The following FAF1 variants were observed in gnomAD, a reference collection of about 807,000 sequenced individuals.
FAF1 encodes FAS-associated factor 1.
In FAF1, 25 loss-of-function variants were observed where a neutral mutation model predicts 92.5. The ratio of observed to expected loss-of-function variants is 0.27; its 90% CI spans 0.20 to 0.38. The LOEUF (loss-of-function observed/expected upper bound fraction) is 0.38. Ranked by LOEUF, FAF1 falls within the 10% of genes least tolerant of loss-of-function variation. FAF1 has a pLI of 1.00. For synonymous variants in FAF1, 234 were observed against 273.2 expected (o/e 0.86, Z 1.42); for missense variants, 636 against 793.3 (o/e 0.80, Z 2.38).
chr1:50,905,975 T>C (rs969948214), intron 1 of FAF1, among the ~76,000 whole-genome samples: 15 of 152,220 alleles, frequency 9.9e-5, no homozygotes, highest in Admixed American at 7.9e-4. Context: ...CTGAATGGTA[T>C]TGCCTACGTT....
chr1:50,762,718 C>T (rs958291829), intron 4 of FAF1, among the ~76,000 whole-genome samples: 5 of 152,120 alleles, frequency 3.3e-5, no homozygotes, highest in African/African-American at 1.2e-4. Flanking sequence ...AAATGTTAGA[C>T]CTAAAACCAT....
chr1:50,895,120 T>A (rs559703085), intron 1 of FAF1, among the ~76,000 whole-genome samples: 2 of 150,760 alleles, frequency 1.3e-5, no homozygotes, highest in East Asian at 3.9e-4. Context: ...GAAAAAAAAA[T>A]TGACAAATCT....
chr1:50,846,531 T>C, intron 2 of FAF1: 1 of 500,484 alleles, frequency 2.0e-6, no homozygotes. Flanking sequence ...GCTGCTGCTT[T>C]GAAACATACG....
intron 1 of FAF1, among the ~76,000 whole-genome samples, chr1:50,904,356 G>T (rs1644818799): frequency 6.6e-6 from 1 of 152,150 alleles, no homozygotes; most frequent in Non-Finnish European, 1.5e-5. Flanking sequence ...CCAGAGCTGG[G>T]GAATGGGGAA....
intron 18 of FAF1, among the ~76,000 whole-genome samples, chr1:50,475,141 T>C (rs1227144820): frequency 6.6e-6 from 1 of 152,226 alleles, no homozygotes; most frequent in Non-Finnish European, 1.5e-5. Flanking sequence ...CTCAGGTATA[T>C]TCTGAGGGCT....
At chr1:50,955,014 G>C (rs1645254246) in intron 1 of FAF1, among the ~76,000 whole-genome samples, 1 of 152,166 alleles carries the variant, frequency 6.6e-6, no homozygotes, top group Admixed American at 6.5e-5. Context: ...CAAAAAGAAA[G>C]AGGTTAAGGA....
intron 13 of FAF1, among the ~76,000 whole-genome samples, chr1:50,544,626 A>C (rs1284015756): frequency 6.6e-6 from 1 of 152,206 alleles, no homozygotes; most frequent in Non-Finnish European, 1.5e-5. Context: ...ACCACTTTAA[A>C]AATATTAATT....
At chr1:50,796,664 T>C (rs1419516909) in intron 3 of FAF1, among the ~76,000 whole-genome samples, 3 of 152,044 alleles carry the variant, frequency 2.0e-5, no homozygotes, top group African/African-American at 7.2e-5. Context: ...GTCTGCTCTT[T>C]CCCTGGGCTC....
At chr1:50,540,317 A>G (rs1156615573) in intron 13 of FAF1, among the ~76,000 whole-genome samples, 1 of 152,138 alleles carries the variant, frequency 6.6e-6, no homozygotes, top group Non-Finnish European at 1.5e-5. Context: ...AAACTATGAG[A>G]AAAACAAACT....
intron 7 of FAF1, among the ~76,000 whole-genome samples, chr1:50,693,155 A>C (rs1414609949): frequency 6.6e-6 from 1 of 152,068 alleles, no homozygotes; most frequent in African/African-American, 2.4e-5. Flanking sequence ...AACCACGAAA[A>C]ATTTTTCCTG....
In FAF1 at chr1:50,729,882, G is replaced by A. The variant is rs551115876; in HGVS notation, c.551+8981C>T. The stretch of plus-strand genomic sequence containing the variant: ...CTAAAAATACAAAAATTAGCTGGGC[G>A]TGGTGGCACGTGCCTGTAGTCCCAG... On this transcript the variant is annotated intron_variant, in intron 6 of 18. Transcript: ENST00000396153. Among the ~76,000 whole-genome samples, 7 of 152,122 alleles carry A rather than the reference G, an allele frequency of 4.6e-5. No individual in the cohort carries two copies. In the South Asian group the frequency reaches 6.2e-4, roughly 14 times the overall value.
intron 17 of FAF1, among the ~76,000 whole-genome samples, chr1:50,476,993 G>A (rs1453090569): frequency 6.6e-6 from 1 of 152,150 alleles, no homozygotes; most frequent in African/African-American, 2.4e-5. Context: ...GACATCTGGT[G>A]TTTTCTGCAT....
Position 50,930,772 on chromosome 1 carries a change from C to T in FAF1, c.45+28995G>A, listed in dbSNP as rs146366388. ...GAGCCGAGATCGTGCCACTGCACTC[C>T]AGCCTGGGAGACAGCAAGACTCCGT... On this transcript the variant is annotated intron_variant, in intron 1 of 18. Transcript: ENST00000396153. 2.5e-3 allele frequency among the ~76,000 whole-genome samples: 375 copies of T among 152,190 alleles called. 3 individuals are homozygous for T. Among genetic ancestry groups the T allele is most frequent in the African/African-American group, 8.6e-3 (356 of 41,504 alleles).
chr1:50,567,280 G>T, intron 12 of FAF1, 49 bp from the exon 13 acceptor site: 1 of 1,447,730 alleles, frequency 6.9e-7, no homozygotes. Context: ...ACTAATGTAA[G>T]ATTTCTTAAA....
chr1:50,821,292 C>T (rs1477334525), intron 2 of FAF1, among the ~76,000 whole-genome samples: 3 of 152,310 alleles, frequency 2.0e-5, no homozygotes, highest in South Asian at 2.1e-4. Context: ...TTATATCAAA[C>T]TCCTGCTTCC....
intron 1 of FAF1, among the ~76,000 whole-genome samples, chr1:50,864,601 A>G (rs1186645749): frequency 2.6e-5 from 4 of 151,400 alleles, no homozygotes; most frequent in Admixed American, 2.6e-4. Context: ...AGGATTCCCT[A>G]TTTAATAAAT....
intron 4 of FAF1, among the ~76,000 whole-genome samples, chr1:50,775,010 T>C (rs1218328009): frequency 9.9e-5 from 15 of 152,138 alleles, no homozygotes; most frequent in Admixed American, 9.8e-4. Flanking sequence ...CTTTCAAACC[T>C]TGTTGCATCT....
At chr1:50,925,237 A>G (rs1188246498) in intron 1 of FAF1, among the ~76,000 whole-genome samples, 1 of 152,202 alleles carries the variant, frequency 6.6e-6, no homozygotes, top group African/African-American at 2.4e-5. Flanking sequence ...AAAGACTTAA[A>G]TGTAAGACTC....
rs772572359 is a variant in FAF1 at position 50,655,435 on chromosome 1, CACTT to C, written c.744+3_744+6del. 6.2e-7 allele frequency: 1 copy of C among 1,603,346 alleles called. No individual in the cohort carries two copies. Among genetic ancestry groups the C allele is most frequent in the Non-Finnish European group, 8.5e-7 (1 of 1,170,388 alleles). ...GATATAAAACTGAAAATTTGACTGT[CACTT>C]ACTGAGTCGTCTGTAGCAGAAGTTG... On this transcript the variant is annotated splice_donor_5th_base_variant and intron_variant, in intron 8 of 18. Coordinates refer to ENST00000396153, the MANE Select transcript of FAF1 (RefSeq NM_007051.3).
Sources: allele counts gnomAD v4.1 joint callset (sites outside exome capture counted in the v4.1 genomes callset), GRCh38; gene constraint gnomAD v4.1.1; transcripts MANE v1.5; gene names NCBI Gene and HGNC (gene_info 2026-07-23, HGNC 2026-07-21).